Variants in DDX19A observed in about 807,000 individuals in gnomAD.
DDX19A encodes DEAD-box helicase 19A, also known as ATP-dependent RNA helicase DDX19A.
A neutral mutation model predicts 60.6 loss-of-function variants in DDX19A; 12 were observed. That is an observed-to-expected ratio of 0.20 (90% CI 0.13 to 0.32). The LOEUF (loss-of-function observed/expected upper bound fraction) is 0.32, where lower values mean the gene tolerates loss of function less well. Ranked by LOEUF, DDX19A falls within the 10% of genes least tolerant of loss-of-function variation. The probability of loss-of-function intolerance (pLI) is 1.00; values close to 1 mark genes in which losing one functional copy is unlikely to be tolerated. For missense variants in DDX19A, 337 were observed against 600.6 expected (o/e 0.56, Z 4.59); for synonymous variants, 206 against 218.2 (o/e 0.94, Z 0.49).
intron 9 of DDX19A, among the ~76,000 whole-genome samples, chr16:70,369,282 C>G (rs1045729513): frequency 2.0e-5 from 3 of 147,542 alleles, no homozygotes; most frequent in Non-Finnish European, 4.4e-5. Flanking sequence ...CGGGTTCAAG[C>G]GATTCTCCTC....
chr16:70,366,324 C>A, intron 8 of DDX19A, 62 bp downstream of exon 8: 1 of 1,605,484 alleles, frequency 6.2e-7, no homozygotes, highest in South Asian at 1.1e-5. Context: ...TCTCCCTTCA[C>A]TTCAGACGCC....
intron 5 of DDX19A, among the ~76,000 whole-genome samples, chr16:70,362,766 G>GT (rs1964407014): frequency 6.6e-6 from 1 of 151,944 alleles, no homozygotes; most frequent in African/African-American, 2.4e-5. Flanking sequence ...CTTTTTTGTA[G>GT]TTTGAGAAGC....
rs1204509237 is a variant in DDX19A, at chr16:70,348,007, G to A, written c.57+959G>A. 6.6e-6 allele frequency: 3 copies of A among 451,244 alleles called. No homozygotes were observed. The East Asian group carries it at 2.2e-4, about 33-fold the overall frequency. The allele number at this position is 451,244 out of a possible 1,614,324, so 28.0% of individuals were successfully genotyped here. A position where few individuals can be genotyped will look rare whatever the true frequency, so the allele number is the denominator to read the frequency against. On this transcript the variant is annotated intron_variant, in intron 1 of 11. Transcript: ENST00000302243. ...GCCCAGCCGGTATGGGGATTTTTGAGAGGGCTATTGACAGAATTAGACAAG... is the reference window on the plus strand; with the variant it reads ...GCCCAGCCGGTATGGGGATTTTTGAAAGGGCTATTGACAGAATTAGACAAG...
rs2047283764 is a variant in DDX19A at position 70,372,171 on chromosome 16, G to T, written c.*185G>T. The T allele has an allele frequency of 2.0e-6, 2 of 1,007,436 alleles. No homozygotes were observed. Among genetic ancestry groups the T allele is most frequent in the Non-Finnish European group, 2.9e-6 (2 of 688,744 alleles). The allele number at this position is 1,007,436 out of a possible 1,614,324, so 62.4% of individuals were successfully genotyped here. A position where few individuals can be genotyped will look rare whatever the true frequency, so the allele number is the denominator to read the frequency against. ...GTGCAAATGATGGGGGGCAATAGAA[G>T]AAAAAATTTGCATTTTGGAAAATTG... On this transcript the variant is annotated 3_prime_UTR_variant, in exon 12 of 12. Transcript: ENST00000302243.
chr16:70,371,712 C>T, intron 11 of DDX19A, 149 bp downstream of exon 11: 2 of 1,221,490 alleles, frequency 1.6e-6, no homozygotes, highest in Non-Finnish European at 2.3e-6. Context: ...TCAGGGAGCA[C>T]ACCTGGAGAC....
At chr16:70,366,891 C>A in intron 9 of DDX19A, 30 bp downstream of exon 9, 1 of 1,612,962 alleles carries the variant, frequency 6.2e-7, no homozygotes, top group African/African-American at 1.3e-5. Context: ...GCAGGCCTGG[C>A]CCCTCCCTCT....
intron 6 of DDX19A, 134 bp downstream of exon 6, chr16:70,364,779 A>C: frequency 1.4e-6 from 1 of 728,936 alleles, no homozygotes. Context: ...TTCCTACACC[A>C]GGCCCTGACC....
At chr16:70,355,977 G>A in intron 3 of DDX19A, 135 bp from the exon 4 acceptor site, 1 of 1,105,170 alleles carries the variant, frequency 9.0e-7, no homozygotes, top group East Asian at 2.4e-5. Context: ...AATAAATAGA[G>A]ACCTATCAGT....
rs2151648550 is a variant in DDX19A, at chr16:70,372,176, A to T, written c.*190A>T. ...AATGATGGGGGGCAATAGAAGAAAAAATTTGCATTTTGGAAAATTGGGTCC... is the reference window on the plus strand; with the variant it reads ...AATGATGGGGGGCAATAGAAGAAAATATTTGCATTTTGGAAAATTGGGTCC... On this transcript the variant is annotated 3_prime_UTR_variant, in exon 12 of 12. Transcript: ENST00000302243. 1 of 990,892 alleles carries T rather than the reference A, an allele frequency of 1.0e-6. No individual in the cohort carries two copies. Among genetic ancestry groups the T allele is most frequent in the Non-Finnish European group, 1.5e-6 (1 of 674,838 alleles). The allele number at this position is 990,892 out of a possible 1,614,324, so 61.4% of individuals were successfully genotyped here.
At chr16:70,347,979 C>T (rs1399856981) in intron 1 of DDX19A, 8 of 449,804 alleles carry the variant, frequency 1.8e-5, no homozygotes, top group East Asian at 7.4e-5. Flanking sequence ...CGTGAGTCAC[C>T]GCGCCCAGCC....
chr16:70,364,798 T>G, intron 6 of DDX19A, 153 bp downstream of exon 6: 1 of 685,710 alleles, frequency 1.5e-6, no homozygotes, highest in Admixed American at 2.6e-5. Context: ...CCTGGGAGAA[T>G]GTGCTTGAAA....
chr16:70,368,973 TCTC>T (rs1282119215), intron 9 of DDX19A, among the ~76,000 whole-genome samples: 7 of 152,036 alleles, frequency 4.6e-5, no homozygotes, highest in African/African-American at 1.7e-4. Context: ...TTCTAGCAAT[TCTC>T]CTGCCTCAGC....
chr16:70,351,509 ATTTTATTATTTATTTATTTAT>A lies in DDX19A; in HGVS notation c.106+912_106+932del, dbSNP rs759360032. On this transcript the variant is annotated intron_variant, in intron 2 of 11. Coordinates refer to ENST00000302243, the MANE Select transcript of DDX19A (RefSeq NM_018332.5). ...GGCATGAGTCACTGCACTTGGCCTA[ATTTTATTATTTATTTATTTAT>A]TTTTATTTTTTTTTGAGACAGTCTC... Among the ~76,000 whole-genome samples, 30 of 150,690 alleles carry A rather than the reference ATTTTATTATTTATTTATTTAT, an allele frequency of 2.0e-4. 1 individual carries two copies. Among genetic ancestry groups the A allele is most frequent in the South Asian group, 8.4e-4 (4 of 4,738 alleles).
At chr16:70,365,869 G>A in intron 7 of DDX19A, 2 of 631,036 alleles carry the variant, frequency 3.2e-6, no homozygotes, top group South Asian at 3.9e-5. Flanking sequence ...TTGAAGGATT[G>A]CTGTGTGGGA....
intron 8 of DDX19A, 168 bp from the exon 9 acceptor site, chr16:70,366,456 G>A (rs1272737449): frequency 8.2e-7 from 1 of 1,223,094 alleles, no homozygotes; most frequent in East Asian, 2.5e-5. Context: ...GAGACCTAGG[G>A]ACTCTTCCCC....
At chr16:70,360,708 G>C (rs2151637710) in intron 4 of DDX19A, 1 of 152,272 alleles carries the variant, frequency 6.6e-6, no homozygotes, top group East Asian at 1.9e-4. Context: ...AAGGAACATG[G>C]AACAAAAGGA....
At position 70,366,332 on chromosome 16, in the gene DDX19A, G is replaced by T. The variant is rs537134667; in HGVS notation, c.782+70G>T. On this transcript the variant is annotated intron_variant, in intron 8 of 11. Transcript: ENST00000302243. ...AGTGTCTTCTCCCTTCACTTCAGAC[G>T]CCTCCTCTGGCTTCTGCCTGGGTCT... is the stretch of plus-strand genomic sequence containing the variant. 31 of 1,599,050 alleles carry T rather than the reference G, an allele frequency of 1.9e-5. No individual in the cohort carries two copies. The African/African-American group carries it at 4.2e-4, about 21-fold the overall frequency.
At chr16:70,356,360 T>C in intron 4 of DDX19A, 113 bp downstream of exon 4, 19 of 1,513,786 alleles carry the variant, frequency 1.3e-5, no homozygotes, top group South Asian at 9.2e-5. Flanking sequence ...GTGTATTTTT[T>C]CCTTTTTTTT....
intron 4 of DDX19A, among the ~76,000 whole-genome samples, chr16:70,357,669 C>T (rs1231534397): frequency 1.3e-5 from 2 of 151,816 alleles, no homozygotes; most frequent in African/African-American, 4.8e-5. Context: ...CAGGCATGAC[C>T]CACTGTGCCC....
Sources: gnomAD v4.1 joint callset for allele counts (sites outside exome capture counted in the v4.1 genomes callset) on GRCh38, gnomAD v4.1.1 for gene constraint, MANE v1.5 for transcripts, NCBI Gene and HGNC (gene_info 2026-07-23, HGNC 2026-07-21) for gene names.